Variants in CACNB4 observed in about 807,000 individuals in gnomAD.
The protein encoded by CACNB4 is calcium voltage-gated channel auxiliary subunit beta 4, also known as voltage-dependent L-type calcium channel subunit beta-4.
CACNB4 carries 32 observed loss-of-function variants against 71.2 expected under a neutral mutation model. That is an observed-to-expected ratio of 0.45 (90% CI 0.34 to 0.60). CACNB4 has a LOEUF of 0.60. CACNB4 is among the 20% of genes least tolerant of loss of function. The pLI is 0.01. For missense variants in CACNB4, 464 were observed against 647.9 expected, an observed-to-expected ratio of 0.72 and a Z score of 3.08; for synonymous variants, 231 against 236.9, an observed-to-expected ratio of 0.97 and a Z score of 0.23.
intron 9 of CACNB4, among the ~76,000 whole-genome samples, chr2:151,865,097 G>T (rs148955684): frequency 6.6e-6 from 1 of 152,168 alleles, no homozygotes; most frequent in African/African-American, 2.4e-5. Context: ...GAAAACAGTA[G>T]GAAGAATGCA....
chr2:151,843,797 G>A (rs1474530296), intron 12 of CACNB4, among the ~76,000 whole-genome samples: 1 of 152,202 alleles, frequency 6.6e-6, no homozygotes, highest in East Asian at 1.9e-4. Context: ...AGTTAGTGGT[G>A]TCTCAGTTCA....
intron 2 of CACNB4, chr2:151,967,342 C>T (rs1403492852): frequency 6.6e-6 from 1 of 152,216 alleles, no homozygotes; most frequent in Admixed American, 6.6e-5. Flanking sequence ...AGGTGTGAGC[C>T]ACCGCGCCTG....
intron 2 of CACNB4, among the ~76,000 whole-genome samples, chr2:151,939,074 T>A (rs969467367): frequency 6.6e-6 from 1 of 152,242 alleles, no homozygotes; most frequent in Non-Finnish European, 1.5e-5. Flanking sequence ...CCTTTTGGCT[T>A]TTCTTTTTTG....
intron 2 of CACNB4, chr2:151,974,095 T>C: frequency 3.0e-6 from 1 of 338,730 alleles, no homozygotes; most frequent in Non-Finnish European, 4.3e-6. Flanking sequence ...AGCTGCTTCC[T>C]GTTTCGCCTG....
At chr2:151,957,392 T>C (rs188782826) in intron 2 of CACNB4, among the ~76,000 whole-genome samples, 2 of 151,980 alleles carry the variant, frequency 1.3e-5, no homozygotes, top group East Asian at 1.9e-4. Context: ...TTAAAGTTAT[T>C]GAATTTCAAT....
At chr2:152,015,483 CT>C (rs1396599396) in intron 2 of CACNB4, among the ~76,000 whole-genome samples, 25 of 152,180 alleles carry the variant, frequency 1.6e-4, no homozygotes, top group Admixed American at 3.9e-4. Flanking sequence ...TAGTGTCCCC[CT>C]ATGGCACATC....
chr2:151,960,414 T>G (rs1434205930), intron 2 of CACNB4, among the ~76,000 whole-genome samples: 1 of 152,174 alleles, frequency 6.6e-6, no homozygotes, highest in Non-Finnish European at 1.5e-5. Flanking sequence ...CTGCAGACAC[T>G]GCTAAAAGCA....
At chr2:152,084,377 T>C (rs1025639441) in intron 2 of CACNB4, among the ~76,000 whole-genome samples, 3 of 152,170 alleles carry the variant, frequency 2.0e-5, no homozygotes, top group African/African-American at 7.2e-5. Flanking sequence ...GTGTTCTCAC[T>C]GAGGAAGGCA....
chr2:152,082,211 T>C (rs1308342570), intron 2 of CACNB4, among the ~76,000 whole-genome samples: 1 of 152,242 alleles, frequency 6.6e-6, no homozygotes, highest in Non-Finnish European at 1.5e-5. Context: ...ATGCATATAC[T>C]TGAAAGAGTT....
chr2:152,067,291 G>A (rs932366405), intron 2 of CACNB4, among the ~76,000 whole-genome samples: 5 of 151,966 alleles, frequency 3.3e-5, no homozygotes, highest in African/African-American at 1.2e-4. Context: ...ATTTTATATG[G>A]CTCCTCAAAA....
chr2:151,925,721 G>A (rs2099860066), intron 2 of CACNB4, among the ~76,000 whole-genome samples: 1 of 151,998 alleles, frequency 6.6e-6, no homozygotes, highest in South Asian at 2.1e-4. Context: ...GGGAGGCTAG[G>A]GTGAAATTCC....
At chr2:152,026,632 G>A (rs1328045328) in intron 2 of CACNB4, among the ~76,000 whole-genome samples, 4 of 152,002 alleles carry the variant, frequency 2.6e-5, no homozygotes, top group Admixed American at 1.3e-4. Flanking sequence ...TGCCTGCCTC[G>A]GCCTCCCAAA....
At chr2:151,879,193 A>G (rs1363220382) in intron 4 of CACNB4, among the ~76,000 whole-genome samples, 1 of 152,252 alleles carries the variant, frequency 6.6e-6, no homozygotes, top group Non-Finnish European at 1.5e-5. Flanking sequence ...GAAGTGGCAT[A>G]GCCCACTGGA....
chr2:151,901,527 T>C (rs545112362), intron 2 of CACNB4, among the ~76,000 whole-genome samples: 1 of 152,024 alleles, frequency 6.6e-6, no homozygotes, highest in African/African-American at 2.4e-5. Context: ...TCCAAGACAA[T>C]ACAATACCAT....
chr2:151,950,581 C>T (rs2099866678), intron 2 of CACNB4, among the ~76,000 whole-genome samples: 1 of 152,212 alleles, frequency 6.6e-6, no homozygotes, highest in African/African-American at 2.4e-5. Flanking sequence ...AGATGCTCAT[C>T]AGCAGATGAA....
intron 2 of CACNB4, among the ~76,000 whole-genome samples, chr2:151,965,789 G>A (rs917388727): frequency 1.3e-5 from 2 of 151,938 alleles, no homozygotes; most frequent in South Asian, 4.2e-4. Context: ...AATCACTGTG[G>A]GCTGGAAGTG....
At chr2:152,065,780 ACT>A in intron 2 of CACNB4, among the ~76,000 whole-genome samples, 1 of 152,114 alleles carries the variant, frequency 6.6e-6, no homozygotes, top group Admixed American at 6.6e-5. Flanking sequence ...ATGGGTTGTC[ACT>A]CTGTTGCTCA....
chr2:151,921,880 C>T (rs955794931), intron 2 of CACNB4, among the ~76,000 whole-genome samples: 3 of 152,164 alleles, frequency 2.0e-5, no homozygotes, highest in African/African-American at 7.2e-5. Flanking sequence ...CTCCCCTTCC[C>T]CTTCGCCTTC....
chr2:151,876,590 A>C (rs748190146), intron 4 of CACNB4, 34 bp from the exon 5 acceptor site: 3 of 1,349,252 alleles, frequency 2.2e-6, no homozygotes. Context: ...TATCAATAGT[A>C]ATTCACTTAT....
Sources: gnomAD v4.1 joint callset for allele counts (sites outside exome capture counted in the v4.1 genomes callset) on GRCh38, gnomAD v4.1.1 for gene constraint, MANE v1.5 for transcripts, NCBI Gene and HGNC (gene_info 2026-07-23, HGNC 2026-07-21) for gene names.